The following SRGAP1 variants were observed in gnomAD, a reference collection of about 807,000 sequenced individuals.
The protein encoded by SRGAP1 is SLIT-ROBO Rho GTPase-activating protein 1.
Under a neutral mutation model 121.9 loss-of-function variants are expected in SRGAP1, and 43 were observed. The ratio of observed to expected loss-of-function variants is 0.35; its 90% CI spans 0.28 to 0.46. The LOEUF (loss-of-function observed/expected upper bound fraction) is 0.46. SRGAP1 is among the 20% of genes least tolerant of loss of function. The pLI is 1.00. For missense variants in SRGAP1, 1,102 were observed against 1,350.9 expected (o/e 0.82, Z 2.89); for synonymous variants, 447 against 485.4 (o/e 0.92, Z 1.04).
At chr12:63,848,157 C>T (rs1226842200) in intron 1 of SRGAP1, among the ~76,000 whole-genome samples, 4 of 151,874 alleles carry the variant, frequency 2.6e-5, no homozygotes, top group African/African-American at 9.7e-5. Context: ...ATACACGCAC[C>T]ACCACGCCCA....
intron 8 of SRGAP1, among the ~76,000 whole-genome samples, chr12:64,074,265 G>A (rs994390396): frequency 6.6e-6 from 1 of 152,054 alleles, no homozygotes; most frequent in African/African-American, 2.4e-5. Context: ...CGTGCTTTCT[G>A]TCTCTTTCCC....
At chr12:63,995,670 T>A (rs1451552518) in intron 3 of SRGAP1, among the ~76,000 whole-genome samples, 2 of 152,162 alleles carry the variant, frequency 1.3e-5, no homozygotes, top group Non-Finnish European at 1.5e-5. Context: ...CAGCAGAAAC[T>A]GGCCCAAAGC....
At chr12:64,031,432 G>C (rs1202834604) in intron 4 of SRGAP1, among the ~76,000 whole-genome samples, 1 of 151,456 alleles carries the variant, frequency 6.6e-6, no homozygotes, top group African/African-American at 2.4e-5. Context: ...ATAAAAATTT[G>C]AAATCATGGA....
chr12:63,868,599 C>T (rs1899746566), intron 1 of SRGAP1, among the ~76,000 whole-genome samples: 1 of 151,970 alleles, frequency 6.6e-6, no homozygotes, highest in African/African-American at 2.4e-5. Context: ...TGGGCTCAAG[C>T]GATATGCCAG....
chr12:63,858,183 G>GGTGTGT (rs34390447), intron 1 of SRGAP1, among the ~76,000 whole-genome samples: 12 of 149,424 alleles, frequency 8.0e-5, no homozygotes, highest in East Asian at 7.8e-4. Context: ...TTTTGTGTGT[G>GGTGTGT]GTGTGTGTGT....
chr12:63,984,953 T>C (rs1593005681), intron 2 of SRGAP1, among the ~76,000 whole-genome samples: 1 of 149,142 alleles, frequency 6.7e-6, no homozygotes, highest in African/African-American at 2.5e-5. Flanking sequence ...GCGGCGGAGG[T>C]TGCAGTGAGC....
At chr12:63,850,428 CA>C (rs1225722647) in intron 1 of SRGAP1, among the ~76,000 whole-genome samples, 4 of 88,414 alleles carry the variant, frequency 4.5e-5, no homozygotes, top group African/African-American at 8.0e-5. Flanking sequence ...GTAAATTGGC[CA>C]ATTTTTTTTT....
chr12:63,868,093 GTTTTT>G (rs1899723897), intron 1 of SRGAP1, among the ~76,000 whole-genome samples: 2 of 59,780 alleles, frequency 3.3e-5, no homozygotes, highest in Non-Finnish European at 6.0e-5. Flanking sequence ...TTTTTTTTTT[GTTTTT>G]TGAGATAGAG....
rs549378511 is a variant in SRGAP1 at position 64,009,015 on chromosome 12, A to G, written c.427-7935A>G. Among the ~76,000 whole-genome samples the G allele has an allele frequency of 3.3e-5, 5 of 152,228 alleles. No homozygotes were observed. The South Asian group carries it at 6.2e-4, about 19-fold the overall frequency. On this transcript the variant is annotated intron_variant, in intron 3 of 21. Coordinates refer to ENST00000355086, the MANE Select transcript of SRGAP1 (RefSeq NM_020762.4). ...ACGGTATAGCTTTGGATCTCTCACAATTATGGCTGTCACAGAAAAGAAGGC... is the reference window on the plus strand; with the variant it reads ...ACGGTATAGCTTTGGATCTCTCACAGTTATGGCTGTCACAGAAAAGAAGGC...
intron 4 of SRGAP1, among the ~76,000 whole-genome samples, chr12:64,017,481 C>G (rs2034433804): frequency 6.6e-6 from 1 of 151,760 alleles, no homozygotes; most frequent in African/African-American, 2.4e-5. Context: ...GTGGTGAAAC[C>G]CCGTCTCTAT....
chr12:64,067,956 G>C (rs1296533642), intron 8 of SRGAP1, among the ~76,000 whole-genome samples: 1 of 151,748 alleles, frequency 6.6e-6, no homozygotes, highest in Non-Finnish European at 1.5e-5. Context: ...TTTCACCCAA[G>C]TTTTAAAAAG....
intron 1 of SRGAP1, among the ~76,000 whole-genome samples, chr12:63,914,676 GTT>G (rs2030700271): frequency 6.6e-6 from 1 of 152,072 alleles, no homozygotes; most frequent in Admixed American, 6.6e-5. Context: ...GAATTTTGGT[GTT>G]TGTTTCTGAG....
At chr12:63,898,028 A>G (rs1284337475) in intron 1 of SRGAP1, among the ~76,000 whole-genome samples, 3 of 152,246 alleles carry the variant, frequency 2.0e-5, no homozygotes, top group Non-Finnish European at 1.5e-5. Flanking sequence ...CTTCACTGTG[A>G]TAAGAAAGCA....
chr12:64,109,215 A>G (rs1197698769), intron 16 of SRGAP1, 178 bp downstream of exon 16: 2 of 389,788 alleles, frequency 5.1e-6, no homozygotes, highest in East Asian at 3.7e-5. Flanking sequence ...TCATTGATAG[A>G]TGAAAGCCCT....
At chr12:64,032,533 G>A in intron 4 of SRGAP1, 1 of 1,208,682 alleles carries the variant, frequency 8.3e-7, no homozygotes, top group Non-Finnish European at 1.2e-6. Context: ...CCAGCACAGA[G>A]TGACCCAAGG....
At chr12:64,022,613 C>T (rs575000812) in intron 4 of SRGAP1, among the ~76,000 whole-genome samples, 8 of 152,250 alleles carry the variant, frequency 5.3e-5, no homozygotes, top group South Asian at 4.1e-4. Flanking sequence ...TTAATTATTA[C>T]GGCATCTGAC....
chr12:63,854,109 C>T (rs1351814926), intron 1 of SRGAP1, among the ~76,000 whole-genome samples: 3 of 152,140 alleles, frequency 2.0e-5, no homozygotes, highest in Admixed American at 6.6e-5. Flanking sequence ...CAGTGCTAGC[C>T]ACCCAGGTTA....
At chr12:64,035,109 G>A (rs2034874832) in intron 4 of SRGAP1, among the ~76,000 whole-genome samples, 1 of 130,504 alleles carries the variant, frequency 7.7e-6, no homozygotes, top group Non-Finnish European at 1.7e-5. Flanking sequence ...TTAAGTGGGA[G>A]GTGGGGGATG....
At chr12:63,982,230 AAAC>A (rs2033274794) in intron 1 of SRGAP1, among the ~76,000 whole-genome samples, 1 of 151,060 alleles carries the variant, frequency 6.6e-6, no homozygotes, top group African/African-American at 2.5e-5. Flanking sequence ...ACAAAAACAA[AAAC>A]AAAAAAAAGA....
Sources: gnomAD v4.1 joint callset for allele counts (sites outside exome capture counted in the v4.1 genomes callset) on GRCh38, gnomAD v4.1.1 for gene constraint, MANE v1.5 for transcripts, NCBI Gene and HGNC (gene_info 2026-07-23, HGNC 2026-07-21) for gene names.